The following DYM variants were observed in gnomAD, a reference collection of about 807,000 sequenced individuals.
DYM encodes the protein dyggve-Melchior-Clausen syndrome protein.
In DYM, 78 loss-of-function variants were observed where a neutral mutation model predicts 93.1. That is an observed-to-expected ratio of 0.84 (90% CI 0.70 to 1.01). The LOEUF is 1.01. Ranked by LOEUF, DYM falls within the 50% of genes least tolerant of loss-of-function variation. DYM has a pLI of 0.00. For missense variants in DYM, 789 were observed against 845.0 expected (o/e 0.93, Z 0.82); for synonymous variants, 321 against 319.7 (o/e 1.00, Z -0.04).
intron 8 of DYM, among the ~76,000 whole-genome samples, chr18:49,310,784 T>C (rs1392944379): frequency 1.3e-5 from 2 of 152,158 alleles, no homozygotes; most frequent in Non-Finnish European, 2.9e-5. Context: ...AGGATTACAG[T>C]TGAGCTTGGT....
chr18:49,318,771 A>C (rs1462538037), intron 8 of DYM, among the ~76,000 whole-genome samples: 3 of 150,236 alleles, frequency 2.0e-5, no homozygotes, highest in Non-Finnish European at 3.0e-5. Context: ...AAACATGTAT[A>C]TGAACAGGTA....
intron 6 of DYM, among the ~76,000 whole-genome samples, chr18:49,360,409 G>A (rs2065918426): frequency 6.6e-6 from 1 of 152,042 alleles, no homozygotes; most frequent in Non-Finnish European, 1.5e-5. Context: ...CAGATCACAG[G>A]TCAGGAGTTC....
At chr18:49,351,149 C>T (rs529845328) in intron 6 of DYM, among the ~76,000 whole-genome samples, 3 of 152,090 alleles carry the variant, frequency 2.0e-5, no homozygotes, top group East Asian at 3.9e-4. Context: ...GGGCCGGGTA[C>T]GGTGGCTCTC....
At chr18:49,086,145 G>A (rs1471312196) in intron 17 of DYM, among the ~76,000 whole-genome samples, 1 of 152,168 alleles carries the variant, frequency 6.6e-6, no homozygotes, top group African/African-American at 2.4e-5. Context: ...ATTTTCTGCT[G>A]CTTATAAGAG....
intron 14 of DYM, among the ~76,000 whole-genome samples, chr18:49,176,263 T>C (rs576484556): frequency 4.6e-5 from 7 of 152,284 alleles, no homozygotes; most frequent in Non-Finnish European, 1.0e-4. Context: ...ATACACAATC[T>C]GTCAATATAC....
intron 8 of DYM, among the ~76,000 whole-genome samples, chr18:49,305,024 A>C (rs928539617): frequency 8.5e-5 from 13 of 152,148 alleles, no homozygotes; most frequent in African/African-American, 3.1e-4. Flanking sequence ...CCCAGCATTC[A>C]GGTCACTTCC....
At chr18:49,399,008 A>G (rs1028136184) in intron 2 of DYM, among the ~76,000 whole-genome samples, 1 of 152,242 alleles carries the variant, frequency 6.6e-6, no homozygotes, top group Non-Finnish European at 1.5e-5. Context: ...AAGAGTTTCA[A>G]TTATACACAT....
At chr18:49,347,347 C>A (rs964728446) in intron 6 of DYM, among the ~76,000 whole-genome samples, 1 of 151,884 alleles carries the variant, frequency 6.6e-6, no homozygotes, top group African/African-American at 2.4e-5. Context: ...AATGCATCAT[C>A]TATATAAAAA....
At chr18:49,214,779 C>T (rs1158971792) in intron 13 of DYM, among the ~76,000 whole-genome samples, 3 of 152,080 alleles carry the variant, frequency 2.0e-5, no homozygotes, top group African/African-American at 2.4e-5. Flanking sequence ...TAAAATATTT[C>T]GCATTTCCAC....
At chr18:49,123,849 G>C (rs2082587005) in intron 15 of DYM, among the ~76,000 whole-genome samples, 1 of 152,160 alleles carries the variant, frequency 6.6e-6, no homozygotes, top group Non-Finnish European at 1.5e-5. Flanking sequence ...GAGACTTCAA[G>C]CTTCAGAATT....
intron 2 of DYM, among the ~76,000 whole-genome samples, chr18:49,415,928 A>C (rs892690846): frequency 5.9e-5 from 7 of 119,006 alleles, no homozygotes; most frequent in African/African-American, 1.2e-4. Context: ...ACTCTGACTC[A>C]AAAAAAAAAA....
chr18:49,069,538 C>T (rs1414228002), intron 17 of DYM, among the ~76,000 whole-genome samples: 1 of 152,154 alleles, frequency 6.6e-6, no homozygotes, highest in Non-Finnish European at 1.5e-5. Context: ...TTATAAGATA[C>T]TGAAAAGTAA....
At chr18:49,272,689 C>T (rs1051702076) in intron 10 of DYM, among the ~76,000 whole-genome samples, 4 of 152,084 alleles carry the variant, frequency 2.6e-5, no homozygotes, top group African/African-American at 9.7e-5. Flanking sequence ...ATGTGCTTAG[C>T]ACCACCTTTT....
At chr18:49,338,886 A>C (rs2063866306) in intron 6 of DYM, among the ~76,000 whole-genome samples, 1 of 152,232 alleles carries the variant, frequency 6.6e-6, no homozygotes, top group Non-Finnish European at 1.5e-5. Context: ...ACAAAGGCAA[A>C]AATTACACAT....
At chr18:49,044,684 T>C (rs72642438) in intron 17 of DYM, among the ~76,000 whole-genome samples, 1,733 of 152,026 alleles carry the variant, frequency 0.011, 43 homozygotes, top group East Asian at 0.082. Flanking sequence ...GTGCCACCGG[T>C]GGAGGGGGGC....
intron 14 of DYM, among the ~76,000 whole-genome samples, chr18:49,194,446 G>C (rs1408948906): frequency 6.6e-6 from 1 of 152,024 alleles, no homozygotes; most frequent in South Asian, 2.1e-4. Flanking sequence ...ACCATTTTTT[G>C]GATCAAATAT....
chr18:49,176,689 A>G (rs1354690657), intron 14 of DYM, among the ~76,000 whole-genome samples: 1 of 148,416 alleles, frequency 6.7e-6, no homozygotes, highest in Non-Finnish European at 1.5e-5. Flanking sequence ...TGCTGGGATT[A>G]TAGGTGTGAG....
chr18:49,176,564 C>T (rs889870804), intron 14 of DYM, among the ~76,000 whole-genome samples: 6 of 149,662 alleles, frequency 4.0e-5, no homozygotes, highest in Non-Finnish European at 7.4e-5. Flanking sequence ...GCACGTGTCA[C>T]CAAGCCTGGC....
chr18:49,222,110 A>C (rs1188335505), intron 13 of DYM, among the ~76,000 whole-genome samples: 2 of 152,024 alleles, frequency 1.3e-5, no homozygotes, highest in Non-Finnish European at 2.9e-5. Context: ...CACACAAAAA[A>C]ATCCTAAACT....
Sources: allele counts gnomAD v4.1 joint callset (sites outside exome capture counted in the v4.1 genomes callset), GRCh38; gene constraint gnomAD v4.1.1; transcripts MANE v1.5; gene names NCBI Gene and HGNC (gene_info 2026-07-23, HGNC 2026-07-21).